The following SEMA4G variants were observed in gnomAD, a reference collection of about 807,000 sequenced individuals.
SEMA4G encodes the protein semaphorin-4G.
A neutral mutation model predicts 81.2 loss-of-function variants in SEMA4G; 59 were observed. The ratio of observed to expected loss-of-function variants is 0.73; its 90% confidence interval spans 0.59 to 0.90. SEMA4G has a LOEUF of 0.90. Among genes scored for constraint, SEMA4G ranks in the 40% least tolerant of loss-of-function variants. SEMA4G has a pLI of 0.00. For missense variants in SEMA4G, 952 were observed against 1,102.3 expected (o/e 0.86, Z 1.93); for synonymous variants, 404 against 433.9 (o/e 0.93, Z 0.86).
At chr10:100,970,806 G>T (rs778565720), upstream of SEMA4G, among the ~76,000 whole-genome samples, 33 of 152,096 alleles carry the variant, frequency 2.2e-4, no homozygotes, top group Non-Finnish European at 4.1e-4. Flanking sequence ...GAACATGATT[G>T]CCTGGCCCAC....
intron 8 of SEMA4G, 196 bp downstream of exon 9, chr10:100,979,467 C>T (rs1850952894): frequency 7.1e-7 from 1 of 1,405,516 alleles, no homozygotes; most frequent in Admixed American, 2.4e-5. Context: ...ACTGCAATCT[C>T]CGCCTCCCGG....
chr10:100,983,285 C>A lies in SEMA4G; in HGVS notation c.1691-20C>A. ...CTTCCTGGGACGGGCTGGTACTGAC[C>A]TCTCCCCCAAACCCCACAGGGCCAC... On this transcript the variant is annotated intron_variant, in intron 13 of 13. Coordinates refer to ENST00000370250, the Ensembl canonical transcript of SEMA4G. 1 of 1,508,542 alleles carries A rather than the reference C, an allele frequency of 6.6e-7. No individual in the cohort carries two copies. The highest frequency in any genetic ancestry group is 8.9e-7 in the Non-Finnish European group (1 of 1,124,040). 93.4% of individuals were successfully genotyped at this position (1,508,542 alleles called of 1,614,324 possible). A position where few individuals can be genotyped will look rare whatever the true frequency, so the allele number is the denominator to read the frequency against.
intron 11 of SEMA4G, 53 bp downstream of exon 12, chr10:100,980,746 G>T (rs912670725): frequency 2.5e-6 from 4 of 1,606,428 alleles, no homozygotes. Flanking sequence ...GGAAGAGGGA[G>T]TGGGGAGGTT....
chr10:100,977,561 C>A, intron 3 of SEMA4G, 71 bp from the exon 5 acceptor site: 1 of 1,273,798 alleles, frequency 7.9e-7, no homozygotes. Context: ...AGCCAAACTA[C>A]AAAGCTAGAC....
At chr10:100,985,603 C>G (rs1010346124), downstream of SEMA4G, 1 of 152,598 alleles carries the variant, frequency 6.6e-6, no homozygotes, top group African/African-American at 2.4e-5. Context: ...TAATAAACAC[C>G]CTTTTTCCCC....
intron 13 of SEMA4G, among the ~76,000 whole-genome samples, chr10:100,982,247 G>A (rs752386734): frequency 2.6e-5 from 4 of 152,012 alleles, no homozygotes; most frequent in African/African-American, 4.8e-5. Context: ...TGGCACATTT[G>A]AGTGACAGGA....
chr10:100,980,773 T>C (rs1262923853), intron 11 of SEMA4G, 49 bp from the exon 13 acceptor site: 2 of 1,599,330 alleles, frequency 1.3e-6, no homozygotes, highest in African/African-American at 2.7e-5. Context: ...AGGCTGTGTA[T>C]CTGTATGAGT....
chr10:100,980,734 T>C (rs377453849), intron 11 of SEMA4G, 41 bp downstream of exon 12: 84 of 1,607,950 alleles, frequency 5.2e-5, no homozygotes, highest in Admixed American at 8.3e-5. Flanking sequence ...CTTGCTGAAA[T>C]AGGAAGAGGG....
chr10:100,985,383 ATGAC>A (rs1282127784), downstream of SEMA4G: 1 of 154,248 alleles, frequency 6.5e-6, no homozygotes, highest in Non-Finnish European at 1.4e-5. Flanking sequence ...TCGGGTGAGG[ATGAC>A]TGTTATTTTT....
chr10:100,969,601 G>A, upstream of SEMA4G: 1 of 290,660 alleles, frequency 3.4e-6, no homozygotes, highest in South Asian at 2.5e-5. Flanking sequence ...GGTGAGCAAG[G>A]CGAGGAGTGC....
chr10:100,984,676 A>C, exon 14 of SEMA4G: 1 of 1,536,208 alleles, frequency 6.5e-7, no homozygotes, highest in Non-Finnish European at 8.7e-7. Flanking sequence ...CTCCTGGTGC[A>C]TTCTTGTTTC....
chr10:100,977,750 G>T lies in SEMA4G; in HGVS notation c.435+20G>T. ...GCCATTGTGAGTATACCTGTGTTGT[G>T]CCAGATCTCTGTTGACTTCATTAGG... On this transcript the variant is annotated intron_variant, in intron 4 of 13. Transcript: ENST00000370250. 6.3e-7 allele frequency: 1 copy of T among 1,585,768 alleles called. No homozygotes were observed. The highest frequency in any genetic ancestry group is 1.7e-4 in the Middle Eastern group (1 of 5,998).
exon 14 of SEMA4G, chr10:100,983,776 GAGGATCTGCGGTGCAACTGCAGAC>G (rs1351574365): frequency 6.2e-6 from 10 of 1,608,920 alleles, no homozygotes; most frequent in Non-Finnish European, 7.6e-6. Flanking sequence ...AGCCGGGCAG[GAGGATCTGCGGTGCAACTGCAGAC>G]AGTCTCAGGC....
chr10:100,971,104 CTCCTTGTG>C (rs1850619072), upstream of SEMA4G, among the ~76,000 whole-genome samples: 2 of 124,720 alleles, frequency 1.6e-5, no homozygotes, highest in Non-Finnish European at 3.4e-5. Flanking sequence ...GTTCACAGTC[CTCCTTGTG>C]AACATGTGTG....
intron 13 of SEMA4G, 29 bp downstream of exon 14, chr10:100,981,258 G>A: frequency 6.2e-7 from 1 of 1,611,064 alleles, no homozygotes; most frequent in Non-Finnish European, 8.5e-7. Context: ...TGTGGGTCTA[G>A]CTACGCAGAC....
At chr10:100,975,342 A>G (rs2133862744) in intron 3 of SEMA4G, among the ~76,000 whole-genome samples, 1 of 152,380 alleles carries the variant, frequency 6.6e-6, no homozygotes. Flanking sequence ...CACTTTGGAT[A>G]GCAAGGCTTT....
Position 100,983,897 on chromosome 10 carries a change from A to G in SEMA4G, c.2283A>G (p.Gly761=), listed in dbSNP as rs200801941. Residue 761 remains glycine, a synonymous_variant, in exon 14 of 14, where the codon GGA becomes GGG. Transcript: ENST00000370250. ...GTCTCCAGATCATCCCTGGGGAGGG[A>G]GCCCCAGCCCCACCACCCCCACCGC... 117 of 1,528,274 alleles carry G rather than the reference A, an allele frequency of 7.7e-5. No individual in the cohort carries two copies. In the African/African-American group the frequency reaches 1.0e-3, roughly 14 times the overall value. The allele number at this position is 1,528,274 out of a possible 1,614,324, so 94.7% of individuals were successfully genotyped here.
exon 8 of SEMA4G, chr10:100,979,232 G>A (rs749963260): frequency 4.4e-5 from 71 of 1,614,034 alleles, no homozygotes; most frequent in African/African-American, 5.3e-5. Flanking sequence ...ACCTCAAGCC[G>A]TACACACTTC....
chr10:100,971,166 A>G (rs1850621892), upstream of SEMA4G, among the ~76,000 whole-genome samples: 1 of 152,166 alleles, frequency 6.6e-6, no homozygotes, highest in Non-Finnish European at 1.5e-5. Flanking sequence ...CACCTTCCTA[A>G]TAGTCACCCA....
Sources: gnomAD v4.1 joint callset for allele counts (sites outside exome capture counted in the v4.1 genomes callset) on GRCh38, gnomAD v4.1.1 for gene constraint, MANE v1.5 for transcripts, NCBI Gene and HGNC (gene_info 2026-07-23, HGNC 2026-07-21) for gene names.